SRGAP2B: variants seen among roughly 807,000 people sequenced by gnomAD.
SRGAP2B encodes the protein SLIT-ROBO Rho GTPase-activating protein 2B.
SRGAP2B carries 9 observed loss-of-function variants against 22.2 expected under a neutral mutation model. That is an observed-to-expected ratio of 0.41 (90% CI 0.24 to 0.71). SRGAP2B has a LOEUF of 0.71. Among genes scored for constraint, SRGAP2B ranks in the 30% least tolerant of loss-of-function variants. The probability of loss-of-function intolerance (pLI) is 0.35; values close to 1 mark genes in which losing one functional copy is unlikely to be tolerated. For synonymous variants in SRGAP2B, 36 were observed against 87.4 expected (o/e 0.41, Z 3.28); for missense variants, 114 against 235.8 (o/e 0.48, Z 3.38).
At chr1:144,992,284 C>T (rs1342722315) in intron 3 of SRGAP2B, among the ~76,000 whole-genome samples, 6 of 150,928 alleles carry the variant, frequency 4.0e-5, no homozygotes, top group Non-Finnish European at 5.9e-5. Context: ...CGAGGGTCCG[C>T]GGCCTCATTC....
rs1416366 is a variant in SRGAP2B, at chr1:145,089,198, A to G, written c.67+3637T>C. 1.0e-4 allele frequency among the ~76,000 whole-genome samples: 15 copies of G among 150,396 alleles called. 1 individual carries two copies. Among genetic ancestry groups the G allele is most frequent in the East Asian group, 5.8e-4 (3 of 5,144 alleles). Reference sequence around the variant, plus strand: ...AGGATACTGACGGACAACTACATATAAAAGCATAATGTAAATTGGAAAGAG... The same window carrying G: ...AGGATACTGACGGACAACTACATATGAAAGCATAATGTAAATTGGAAAGAG... On this transcript the variant is annotated intron_variant, in intron 2 of 9. Coordinates refer to ENST00000612199, the Ensembl canonical transcript of SRGAP2B.
In SRGAP2B at chr1:144,993,435, T is replaced by C. The variant is rs2102145380; in HGVS notation, c.260+1573A>G. Among the ~76,000 whole-genome samples, 2 of 150,676 alleles carry C rather than the reference T, an allele frequency of 1.3e-5. 1 individual carries two copies. The highest frequency in any genetic ancestry group is 5.0e-5 in the African/African-American group (2 of 40,256). On this transcript the variant is annotated intron_variant, in intron 3 of 9. Coordinates refer to ENST00000612199, the Ensembl canonical transcript of SRGAP2B. Reference sequence around the variant, plus strand: ...ACATAGATGGGCTGGGTGTGGTGGCTCACACCTGTAATTCCAGCACTTTGG... The same window carrying C: ...ACATAGATGGGCTGGGTGTGGTGGCCCACACCTGTAATTCCAGCACTTTGG...
intron 2 of SRGAP2B, among the ~76,000 whole-genome samples, chr1:144,998,724 G>A (rs1553619016): frequency 6.6e-6 from 1 of 151,054 alleles, no homozygotes; most frequent in African/African-American, 2.5e-5. Flanking sequence ...ATCCATACAG[G>A]CATTAAGGGA....
At chr1:145,094,018 G>A (rs1182925162) in intron 1 of SRGAP2B, among the ~76,000 whole-genome samples, 1 of 146,198 alleles carries the variant, frequency 6.8e-6, no homozygotes, top group Non-Finnish European at 1.5e-5. Flanking sequence ...GGAAAACAAT[G>A]TGGTCAGCTG....
At chr1:144,930,567 C>A (rs1157358666) in intron 4 of SRGAP2B, among the ~76,000 whole-genome samples, 1 of 149,628 alleles carries the variant, frequency 6.7e-6, no homozygotes, top group Admixed American at 6.6e-5. Flanking sequence ...CTATATGGGG[C>A]CATCTGGGGT....
intron 3 of SRGAP2B, among the ~76,000 whole-genome samples, chr1:144,983,142 T>C (rs1669431740): frequency 6.8e-6 from 1 of 147,574 alleles, no homozygotes; most frequent in African/African-American, 2.7e-5. Flanking sequence ...TCATGTTTCC[T>C]GGTACTTTCC....
chr1:145,065,327 T>C (rs1651376597), intron 2 of SRGAP2B, among the ~76,000 whole-genome samples: 1 of 150,522 alleles, frequency 6.6e-6, no homozygotes, highest in East Asian at 1.9e-4. Flanking sequence ...AGCTAGCTGG[T>C]TTCTAAGGAG....
chr1:144,987,844 C>A (rs1347977998), intron 3 of SRGAP2B, among the ~76,000 whole-genome samples: 3 of 150,696 alleles, frequency 2.0e-5, no homozygotes, highest in African/African-American at 7.4e-5. Context: ...AATGGAAAAA[C>A]AAAAGTGCTG....
chr1:144,966,614 A>G lies in SRGAP2B; in HGVS notation c.261-11013T>C, dbSNP rs1300960107. ...AACAAAATAGCCAGCTAACATCATAATGACAGGATCAAATTCACACATAAC... is the reference window on the plus strand; with the variant it reads ...AACAAAATAGCCAGCTAACATCATAGTGACAGGATCAAATTCACACATAAC... On this transcript the variant is annotated intron_variant, in intron 3 of 9. Coordinates refer to ENST00000612199, the Ensembl canonical transcript of SRGAP2B. Among the ~76,000 whole-genome samples the G allele has an allele frequency of 8.2e-5, 12 of 146,552 alleles. 2 individuals are homozygous for G. Among genetic ancestry groups the G allele is most frequent in the African/African-American group, 3.0e-4 (11 of 36,262 alleles).
At chr1:144,918,565 CTG>C (rs1362655343) in intron 4 of SRGAP2B, 8 of 124,106 alleles carry the variant, frequency 6.4e-5, no homozygotes, top group African/African-American at 3.5e-5. Context: ...CTGAAATGCA[CTG>C]TGTCATCTCA....
intron 2 of SRGAP2B, among the ~76,000 whole-genome samples, chr1:144,998,605 AAGG>A (rs1187475985): frequency 6.6e-6 from 1 of 150,840 alleles, no homozygotes; most frequent in African/African-American, 2.5e-5. Flanking sequence ...GGAGGTGGAG[AAGG>A]AGAAGGAAAA....
intron 6 of SRGAP2B, 89 bp downstream of exon 6, chr1:144,905,770 C>T: frequency 1.4e-6 from 1 of 708,854 alleles, no homozygotes; most frequent in South Asian, 1.5e-5. Context: ...TCCTCGTCTG[C>T]TCTTCCCAGT....
intron 4 of SRGAP2B, among the ~76,000 whole-genome samples, chr1:144,925,281 A>G (rs1664580355): frequency 6.7e-6 from 1 of 149,064 alleles, no homozygotes; most frequent in Non-Finnish European, 1.5e-5. Context: ...CTGTGATTAC[A>G]GGAGTGAGCC....
chr1:144,909,650 G>T (rs1342465434), intron 5 of SRGAP2B, among the ~76,000 whole-genome samples: 3 of 150,384 alleles, frequency 2.0e-5, no homozygotes, highest in African/African-American at 7.5e-5. Flanking sequence ...CATTGTAGTG[G>T]AAGACTAGAT....
chr1:145,056,000 GAAACATCTA>G (rs1444826790), intron 2 of SRGAP2B, among the ~76,000 whole-genome samples: 1 of 10,792 alleles, frequency 9.3e-5, no homozygotes, highest in Non-Finnish European at 2.5e-4. Flanking sequence ...GCATTGATAA[GAAACATCTA>G]TTCGCTCATG....
chr1:144,920,343 G>A (rs1553348202), intron 4 of SRGAP2B, among the ~76,000 whole-genome samples: 1 of 150,328 alleles, frequency 6.7e-6, no homozygotes, highest in Non-Finnish European at 1.5e-5. Flanking sequence ...ATAGCTCACT[G>A]CAGCCTTGAA....
At position 144,976,622 on chromosome 1, in the gene SRGAP2B, C is replaced by T. The variant is rs1668927131; in HGVS notation, c.260+18386G>A. On this transcript the variant is annotated intron_variant, in intron 3 of 9. Coordinates refer to ENST00000612199, the Ensembl canonical transcript of SRGAP2B. The stretch of plus-strand genomic sequence containing the variant: ...AAAGGCAAGGAAAGTACAAGTTAAG[C>T]CTGGAACATCTTGTTGTGCCACCAA... Among the ~76,000 whole-genome samples the T allele has an allele frequency of 1.4e-5, 2 of 146,616 alleles. 1 individual carries two copies. Among genetic ancestry groups the T allele is most frequent in the African/African-American group, 5.5e-5 (2 of 36,436 alleles).
chr1:144,925,178 A>G (rs1269421706), intron 4 of SRGAP2B, among the ~76,000 whole-genome samples: 3 of 149,948 alleles, frequency 2.0e-5, no homozygotes, highest in Non-Finnish European at 4.4e-5. Flanking sequence ...AATTTTTTGT[A>G]TTTTAGTAAA....
At chr1:144,963,689 C>A (rs1269982663) in intron 3 of SRGAP2B, among the ~76,000 whole-genome samples, 1 of 151,266 alleles carries the variant, frequency 6.6e-6, no homozygotes, top group Non-Finnish European at 1.5e-5. Context: ...GTCTGGCTCA[C>A]CCCTGGTAGT....
Sources: allele counts gnomAD v4.1 joint callset (sites outside exome capture counted in the v4.1 genomes callset), GRCh38; gene constraint gnomAD v4.1.1; transcripts MANE v1.5; gene names NCBI Gene and HGNC (gene_info 2026-07-23, HGNC 2026-07-21).